LOXHD1: variants seen among roughly 807,000 people sequenced by gnomAD.
LOXHD1 encodes the protein lipoxygenase homology PLAT domains 1.
In LOXHD1, 205 loss-of-function variants were observed where a neutral mutation model predicts 248.2. The ratio of observed to expected loss-of-function variants is 0.83; its 90% CI spans 0.74 to 0.93. The LOEUF (loss-of-function observed/expected upper bound fraction) is 0.93. LOXHD1 is among the 40% of genes least tolerant of loss of function. The pLI, the probability that LOXHD1 is intolerant of heterozygous loss-of-function variation, is 0.00. For missense variants in LOXHD1, 2,930 were observed against 2,971.6 expected (o/e 0.99, Z 0.33); for synonymous variants, 1,113 against 1,162.8 (o/e 0.96, Z 0.87).
In LOXHD1 at chr18:46,591,938, A is replaced by G. The variant is rs966307082; in HGVS notation, c.1649T>C (p.Met550Thr). 1.3e-5 allele frequency: 20 copies of G among 1,551,658 alleles called. No individual in the cohort carries two copies. The highest frequency in any genetic ancestry group is 2.0e-5 in the Admixed American group (1 of 50,988). Reference sequence around the variant, plus strand: ...GAGAGCCTGTCAGTACTTACTGCCCATGATCCTGCGCACTGTTGGGCCTTC... The same window carrying G: ...GAGAGCCTGTCAGTACTTACTGCCCGTGATCCTGCGCACTGTTGGGCCTTC... ...TAEGPTVRRIMGMARYHVTVC... is the reference protein window; with the variant it reads ...TAEGPTVRRITGMARYHVTVC... The change falls in exon 12 of 41, where the codon ATG (methionine) becomes ACG (threonine). Residue 550 changes from methionine (M) to threonine (T), a missense_variant. Transcript: ENST00000642948.
chr18:46,518,652 G>A lies in LOXHD1; in HGVS notation c.5272-396C>T, dbSNP rs145939772. Reference sequence around the variant, plus strand: ...CTGCCACCTGCTGGCTGTTAGACCCGGGCAGATGCCCGACCTCACCAGCCT... The same window carrying A: ...CTGCCACCTGCTGGCTGTTAGACCCAGGCAGATGCCCGACCTCACCAGCCT... On this transcript the variant is annotated intron_variant, in intron 33 of 40. Transcript: ENST00000642948. 9.6e-3 allele frequency among the ~76,000 whole-genome samples: 1,461 copies of A among 152,320 alleles called. 16 individuals are homozygous for A. The highest frequency in any genetic ancestry group is 0.024 in the Middle Eastern group (7 of 294).
chr18:46,639,232 T>C (rs1028181254), intron 4 of LOXHD1, among the ~76,000 whole-genome samples: 10 of 152,192 alleles, frequency 6.6e-5, no homozygotes, highest in African/African-American at 2.4e-5. Context: ...GTAACTCACC[T>C]GCCTTGGGCA....
intron 37 of LOXHD1, among the ~76,000 whole-genome samples, chr18:46,490,163 C>T (rs140913847): frequency 6.6e-6 from 1 of 152,268 alleles, no homozygotes; most frequent in African/African-American, 2.4e-5. Flanking sequence ...CAAAGGACCC[C>T]AGGCAGGAGG....
chr18:46,602,325 C>A (rs1419256790), intron 7 of LOXHD1, among the ~76,000 whole-genome samples: 1 of 152,158 alleles, frequency 6.6e-6, no homozygotes, highest in Admixed American at 6.5e-5. Flanking sequence ...CGTGTCTCAG[C>A]CTCCTGAGTG....
At position 46,485,147 on chromosome 18, in the gene LOXHD1, G is replaced by T. The variant is rs137944477; in HGVS notation, c.6054C>A (p.Tyr2018Ter). The change falls in exon 39 of 41, where the codon TAC (tyrosine) becomes TAA (stop). Residue 2018 changes from tyrosine to a stop codon, truncating the protein, a stop_gained. Coordinates refer to ENST00000642948, the MANE Select transcript of LOXHD1 (RefSeq NM_001384474.1). LOFTEE classifies it high-confidence loss of function. ...KICDELEETT[Y>*]EIVIETGNGG... ...CGTTGCCCGTTTCTATGACGATCTCGTAGGCTGTAATGGAGGAGGTGGGGG... is the reference window on the plus strand; with the variant it reads ...CGTTGCCCGTTTCTATGACGATCTCTTAGGCTGTAATGGAGGAGGTGGGGG... 2 of 1,549,350 alleles carry T rather than the reference G, an allele frequency of 1.3e-6. No homozygotes were observed. The highest frequency in any genetic ancestry group is 1.7e-6 in the Non-Finnish European group (2 of 1,146,234).
chr18:46,636,189 G>A (rs2038890515), intron 4 of LOXHD1, among the ~76,000 whole-genome samples: 1 of 152,188 alleles, frequency 6.6e-6, no homozygotes, highest in Non-Finnish European at 1.5e-5. Flanking sequence ...CCCCATTAAG[G>A]AAGAGGGCAG....
At chr18:46,551,563 A>G (rs2037106326) in intron 21 of LOXHD1, among the ~76,000 whole-genome samples, 1 of 152,168 alleles carries the variant, frequency 6.6e-6, no homozygotes, top group Admixed American at 6.5e-5. Flanking sequence ...TATTCTAAAT[A>G]TGACATCACT....
intron 37 of LOXHD1, among the ~76,000 whole-genome samples, chr18:46,497,233 G>C (rs184727265): frequency 5.8e-4 from 89 of 152,302 alleles, no homozygotes; most frequent in Admixed American, 1.5e-3. Context: ...GTTATCCAAA[G>C]TGGTGGTGGG....
intron 35 of LOXHD1, among the ~76,000 whole-genome samples, chr18:46,509,269 AAAG>A (rs1415330310): frequency 1.3e-5 from 2 of 152,042 alleles, no homozygotes; most frequent in Non-Finnish European, 2.9e-5. Flanking sequence ...CACAATGGAA[AAAG>A]AAGCAGCTGC....
chr18:46,510,532 A>G (rs906112783), intron 34 of LOXHD1, among the ~76,000 whole-genome samples: 5 of 152,148 alleles, frequency 3.3e-5, no homozygotes, highest in African/African-American at 9.7e-5. Flanking sequence ...TTCAATGCTG[A>G]CTGATTGCTT....
intron 5 of LOXHD1, among the ~76,000 whole-genome samples, chr18:46,617,131 G>A (rs1316929598): frequency 6.6e-6 from 1 of 152,188 alleles, no homozygotes; most frequent in Non-Finnish European, 1.5e-5. Flanking sequence ...CTGTACTTGA[G>A]GGAGAGGGGG....
rs201977566 is a variant in LOXHD1 at position 46,604,049 on chromosome 18, C to T, written c.883+57G>A. On this transcript the variant is annotated intron_variant, in intron 7 of 40. Transcript: ENST00000642948. ...CCTCCAGCCCCACAGATGCCAACAG[C>T]GACCCTTAGGCAGAAAGTGAAATAC... is the stretch of plus-strand genomic sequence containing the variant. 6.8e-4 allele frequency: 1,053 copies of T among 1,545,364 alleles called. 1 individual carries two copies. The highest frequency in any genetic ancestry group is 8.7e-4 in the Non-Finnish European group (991 of 1,143,094).
intron 8 of LOXHD1, 48 bp downstream of exon 8, chr18:46,601,169 A>C: frequency 6.5e-7 from 1 of 1,529,288 alleles, no homozygotes. Flanking sequence ...CAAGTTAAAG[A>C]GGAGAGGGGT....
At chr18:46,493,853 CTG>C (rs959309265) in intron 37 of LOXHD1, among the ~76,000 whole-genome samples, 2 of 152,194 alleles carry the variant, frequency 1.3e-5, no homozygotes, top group African/African-American at 4.8e-5. Flanking sequence ...GGGCCCAACT[CTG>C]TGTTTACATA....
chr18:46,529,385 G>C (rs983639683), intron 28 of LOXHD1, 54 bp from the exon 29 acceptor site: 2 of 1,491,424 alleles, frequency 1.3e-6, no homozygotes, highest in Non-Finnish European at 1.8e-6. Flanking sequence ...GGGTGACAGC[G>C]CTTTAGGTCT....
Position 46,601,329 on chromosome 18 carries a change from CG to C in LOXHD1, c.1021del (p.Arg341GlufsTer18). On this transcript the variant is annotated frameshift_variant, in exon 8 of 41. Transcript: ENST00000642948. LOFTEE classifies it high-confidence loss of function. ...KIFLEGGVFDRGRTDIFHIEL... is the reference protein window; with the variant it reads ...KIFLEGGVFDXGRTDIFHIEL... ...GATGTGGAAGATGTCCGTGCGGCCT[CG>C]GTCAAACACGCCGCCCTCCAGGAAG... is the stretch of plus-strand genomic sequence containing the variant. 3 of 1,551,660 alleles carry C rather than the reference CG, an allele frequency of 1.9e-6. No individual in the cohort carries two copies. Among genetic ancestry groups the C allele is most frequent in the Non-Finnish European group, 2.6e-6 (3 of 1,146,984 alleles).
rs1281356830 is a variant in LOXHD1 at position 46,541,938 on chromosome 18, T to C, written c.3751A>G (p.Lys1251Glu). ...CAGTCTACAAACCAGCCTGGGGCCT[T>C]GCCTAGAGAGAGAGGAGACACAAAA... ...KVRLGHDNTGKAPGWFVDWVE... is the reference protein window; with the variant it reads ...KVRLGHDNTGEAPGWFVDWVE... The change falls in exon 25 of 41, where the codon AAG becomes GAG. Residue 1251 changes from lysine (K) to glutamate (E), a missense_variant and splice_region_variant. Physicochemically the swap from Lys to Glu is moderately conservative, Grantham distance 56. Transcript: ENST00000642948. 6.4e-7 allele frequency: 1 copy of C among 1,550,476 alleles called. No individual in the cohort carries two copies. The highest frequency in any genetic ancestry group is 8.7e-7 in the Non-Finnish European group (1 of 1,146,242).
rs1019175890 is a variant in LOXHD1, at chr18:46,534,349, G to C, written c.4198C>G (p.Leu1400Val). The C allele has an allele frequency of 6.4e-7, 1 of 1,551,192 alleles. No individual in the cohort carries two copies. Among genetic ancestry groups the C allele is most frequent in the African/African-American group, 1.4e-5 (1 of 73,034 alleles). ...HCSHVDIRRLLPDKDGAETLT... is the reference protein window; with the variant it reads ...HCSHVDIRRLVPDKDGAETLT... ...CAACAACTCACGTCTTTATCCGGGA[G>C]GAGCCTGCGGATGTCCACGTGAGAG... Residue 1400 changes from leucine to valine, a missense_variant, in exon 27 of 41, where the codon CTC becomes GTC. By Grantham distance (32) the Leu-to-Val change is conservative (BLOSUM62 1). Transcript: ENST00000642948.
At chr18:46,529,854 C>T (rs1200740328) in intron 28 of LOXHD1, among the ~76,000 whole-genome samples, 2 of 152,146 alleles carry the variant, frequency 1.3e-5, no homozygotes, top group African/African-American at 4.8e-5. Context: ...GCCACCCTCC[C>T]CTGCCCCAGC....
Sources: allele counts gnomAD v4.1 joint callset (sites outside exome capture counted in the v4.1 genomes callset), GRCh38; gene constraint gnomAD v4.1.1; transcripts MANE v1.5; gene names NCBI Gene and HGNC (gene_info 2026-07-23, HGNC 2026-07-21).